The following RAP1GAP2 variants were observed in gnomAD, a reference collection of about 807,000 sequenced individuals.
RAP1GAP2 encodes rap1 GTPase-activating protein 2.
A neutral mutation model predicts 95.0 loss-of-function variants in RAP1GAP2; 27 were observed. That is an observed-to-expected ratio of 0.28 (90% CI 0.21 to 0.39). RAP1GAP2 has a LOEUF of 0.39. RAP1GAP2 is among the 10% of genes least tolerant of loss of function. The probability of loss-of-function intolerance (pLI) is 1.00; values close to 1 mark genes in which losing one functional copy is unlikely to be tolerated. For missense variants in RAP1GAP2, 771 were observed against 970.0 expected (o/e 0.79, Z 2.72); for synonymous variants, 373 against 380.9 (o/e 0.98, Z 0.24).
intron 2 of RAP1GAP2, among the ~76,000 whole-genome samples, chr17:2,822,844 T>C (rs2070369675): frequency 6.6e-6 from 1 of 152,068 alleles, no homozygotes; most frequent in African/African-American, 2.4e-5. Context: ...CTCCTAATGC[T>C]ATCCCTCCCC....
intron 2 of RAP1GAP2, among the ~76,000 whole-genome samples, chr17:2,809,068 T>C (rs1478839396): frequency 6.6e-6 from 1 of 152,146 alleles, no homozygotes; most frequent in Non-Finnish European, 1.5e-5. Flanking sequence ...GAGGTACCAT[T>C]TGCCAGGCGG....
chr17:2,764,814 A>G (rs902475468), intron 1 of RAP1GAP2, among the ~76,000 whole-genome samples: 3 of 152,216 alleles, frequency 2.0e-5, no homozygotes, highest in Non-Finnish European at 4.4e-5. Context: ...CTCATTCAAA[A>G]GGGTCTAAAG....
chr17:2,819,782 TTCTC>T (rs1404344529), intron 2 of RAP1GAP2, among the ~76,000 whole-genome samples: 1 of 150,630 alleles, frequency 6.6e-6, no homozygotes, highest in Non-Finnish European at 1.5e-5. Flanking sequence ...ATCTAGTTTC[TTCTC>T]TCTTTCTCCT....
intron 3 of RAP1GAP2, among the ~76,000 whole-genome samples, chr17:2,918,540 A>G (rs1214352642): frequency 6.6e-6 from 1 of 152,064 alleles, no homozygotes; most frequent in Non-Finnish European, 1.5e-5. Context: ...GCCTCAGGAA[A>G]CTTTTATTCA....
chr17:2,911,122 C>T (rs964467050), intron 3 of RAP1GAP2, among the ~76,000 whole-genome samples: 2 of 152,224 alleles, frequency 1.3e-5, no homozygotes, highest in Non-Finnish European at 2.9e-5. Context: ...CTGGGAAGGG[C>T]TGGCTGGAGC....
intron 19 of RAP1GAP2, among the ~76,000 whole-genome samples, chr17:3,022,961 A>AC (rs1567908220): frequency 6.6e-6 from 1 of 152,222 alleles, no homozygotes; most frequent in Admixed American, 6.5e-5. Flanking sequence ...ATCCAGTTTT[A>AC]CCAGCACCAC....
At chr17:2,803,603 G>A (rs887689068) in intron 2 of RAP1GAP2, among the ~76,000 whole-genome samples, 2 of 152,258 alleles carry the variant, frequency 1.3e-5, no homozygotes, top group East Asian at 3.8e-4. Flanking sequence ...TCGCGGCCAG[G>A]CGCGATGGCT....
chr17:3,015,111 T>G (rs1333753044), intron 17 of RAP1GAP2, among the ~76,000 whole-genome samples: 1 of 152,206 alleles, frequency 6.6e-6, no homozygotes, highest in Non-Finnish European at 1.5e-5. Context: ...GTACATGGCT[T>G]TATGATGCTT....
chr17:3,017,843 C>T (rs2046821748), intron 17 of RAP1GAP2, among the ~76,000 whole-genome samples: 1 of 152,182 alleles, frequency 6.6e-6, no homozygotes, highest in Non-Finnish European at 1.5e-5. Flanking sequence ...TGCCTCCACC[C>T]ATGCCCAGAG....
chr17:2,980,233 G>C (rs529656497), intron 8 of RAP1GAP2, 54 bp from the exon 9 acceptor site: 5 of 1,573,106 alleles, frequency 3.2e-6, no homozygotes, highest in Middle Eastern at 1.7e-4. Flanking sequence ...ACGAGTCCCC[G>C]CGCCCTCACT....
At chr17:2,915,798 A>G in intron 3 of RAP1GAP2, among the ~76,000 whole-genome samples, 1 of 152,108 alleles carries the variant, frequency 6.6e-6, no homozygotes, top group East Asian at 1.9e-4. Flanking sequence ...CCTGAGTTCA[A>G]GCGATTCTCC....
chr17:2,922,004 C>CT (rs75545256), intron 3 of RAP1GAP2, among the ~76,000 whole-genome samples: 5,014 of 152,338 alleles, frequency 0.033, 124 homozygotes, highest in African/African-American at 0.068. Context: ...TCCTTCATAT[C>CT]TTAAAATTAT....
At chr17:2,834,275 G>T (rs1310100741) in intron 2 of RAP1GAP2, among the ~76,000 whole-genome samples, 3 of 152,208 alleles carry the variant, frequency 2.0e-5, no homozygotes, top group Non-Finnish European at 4.4e-5. Context: ...CCTGGGGGAA[G>T]CCACAGCTTA....
At chr17:2,804,755 G>A (rs371079485) in intron 2 of RAP1GAP2, among the ~76,000 whole-genome samples, 20 of 152,290 alleles carry the variant, frequency 1.3e-4, no homozygotes, top group African/African-American at 4.6e-4. Flanking sequence ...ATGGAGCCAC[G>A]TTGGAATGCT....
rs4060867 is a variant in RAP1GAP2 at position 2,806,376 on chromosome 17, T to TTTATTATTATTATTATTATTATTA, written c.80+5835_80+5858dup. Among the ~76,000 whole-genome samples the TTTATTATTATTATTATTATTATTA allele has an allele frequency of 8.0e-3, 1,121 of 139,936 alleles. 9 individuals carry two copies. The highest frequency in any genetic ancestry group is 0.022 in the East Asian group (106 of 4,742). 91.8% of individuals were successfully genotyped at this position (139,936 alleles called of 152,430 possible). ...TTGATTTCTTCTCTGCTACAACCTT[T>TTTATTATTATTATTATTATTATTA]TTATTATTATTATTATTATTATTAT... On this transcript the variant is annotated intron_variant, in intron 2 of 24. Coordinates refer to ENST00000254695, the MANE Select transcript of RAP1GAP2 (RefSeq NM_015085.5).
At chr17:2,955,010 T>C (rs1417860636) in intron 3 of RAP1GAP2, among the ~76,000 whole-genome samples, 1 of 152,232 alleles carries the variant, frequency 6.6e-6, no homozygotes, top group Non-Finnish European at 1.5e-5. Flanking sequence ...ATACAGCACA[T>C]TTTGTTTATT....
At chr17:2,755,969 G>C (rs900257638) in intron 1 of RAP1GAP2, among the ~76,000 whole-genome samples, 3 of 152,046 alleles carry the variant, frequency 2.0e-5, no homozygotes, top group Admixed American at 6.5e-5. Flanking sequence ...CCGGGTCTCT[G>C]CGGCTCTCCA....
chr17:3,014,679 A>G (rs993346218), intron 17 of RAP1GAP2, among the ~76,000 whole-genome samples: 1 of 151,688 alleles, frequency 6.6e-6, no homozygotes, highest in African/African-American at 2.4e-5. Context: ...CCTGCCGAGT[A>G]GCTGGGATTA....
intron 3 of RAP1GAP2, among the ~76,000 whole-genome samples, chr17:2,916,568 T>A (rs747711217): frequency 7.9e-5 from 12 of 152,222 alleles, no homozygotes; most frequent in Non-Finnish European, 1.5e-4. Context: ...CTCTACAGAC[T>A]GCTCTGCGTG....
Sources: gnomAD v4.1 joint callset for allele counts (sites outside exome capture counted in the v4.1 genomes callset) on GRCh38, gnomAD v4.1.1 for gene constraint, MANE v1.5 for transcripts, NCBI Gene and HGNC (gene_info 2026-07-23, HGNC 2026-07-21) for gene names.